The following PFKFB4 variants were observed in gnomAD, a reference collection of about 807,000 sequenced individuals.
The protein encoded by PFKFB4 is 6-phosphofructo-2-kinase/fructose-2,6-biphosphatase 4.
Under a neutral mutation model 62.8 loss-of-function variants are expected in PFKFB4, and 42 were observed. That is an observed-to-expected ratio of 0.67 (90% CI 0.52 to 0.86). The LOEUF is 0.86. PFKFB4 is among the 40% of genes least tolerant of loss of function. PFKFB4 has a pLI of 0.00. For missense variants in PFKFB4, 475 were observed against 627.2 expected (o/e 0.76, Z 2.59); for synonymous variants, 204 against 240.7 (o/e 0.85, Z 1.41).
chr3:48,536,384 T>C lies in PFKFB4; in HGVS notation c.712A>G (p.Ile238Val), dbSNP rs769967046. Residue 238 changes from isoleucine to valine, a missense_variant, in exon 8 of 14, where the codon ATC becomes GTC. By Grantham distance (29) the Ile-to-Val change is conservative. Transcript: ENST00000232375. ...TGGATGTTCATGAGGTAATATACGA[T>C]GCGGCTCTGGATGTGGTCAGCCACA... ...NRVADHIQSR[I>V]VYYLMNIHVT... The C allele has an allele frequency of 2.5e-6, 4 of 1,614,100 alleles. No homozygotes were observed. The highest frequency in any genetic ancestry group is 3.4e-6 in the Non-Finnish European group (4 of 1,180,002).
At chr3:48,520,042 G>A (rs959692234) in intron 13 of PFKFB4, among the ~76,000 whole-genome samples, 1 of 152,146 alleles carries the variant, frequency 6.6e-6, no homozygotes, top group Non-Finnish European at 1.5e-5. Context: ...CTCGTTTCCT[G>A]CTCCACTGCA....
In PFKFB4 at chr3:48,535,610, G is replaced by T. The variant is rs1261972749; in HGVS notation, c.889C>A (p.Leu297Met). 1.2e-6 allele frequency: 2 copies of T among 1,614,072 alleles called. No individual in the cohort carries two copies. Among genetic ancestry groups the T allele is most frequent in the Non-Finnish European group, 1.7e-6 (2 of 1,179,964 alleles). The change falls in exon 9 of 14, where the codon CTG (leucine) becomes ATG (methionine). Residue 297 changes from leucine to methionine, a missense_variant. Coordinates refer to ENST00000232375, the MANE Select transcript of PFKFB4 (RefSeq NM_004567.4). The stretch of plus-strand genomic sequence containing the variant: ...TTCATCTGGCTTGTCCAGACCTTCA[G>T]ATCCTTGATATTTTGGTCACTGATG... ...QFISDQNIKD[L>M]KVWTSQMKRT...
chr3:48,542,199 T>C (rs1374264864), intron 4 of PFKFB4, among the ~76,000 whole-genome samples: 1 of 151,640 alleles, frequency 6.6e-6, no homozygotes, highest in Non-Finnish European at 1.5e-5. Flanking sequence ...CCGGGCACAG[T>C]GGCGGGGGCT....
intron 3 of PFKFB4, among the ~76,000 whole-genome samples, chr3:48,544,441 C>CTTTTTT (rs34817026): frequency 2.0e-5 from 2 of 100,402 alleles, no homozygotes; most frequent in African/African-American, 4.0e-5. Flanking sequence ...GTTTTCAGAT[C>CTTTTTT]TTTTTTTTTT....
Position 48,522,140 on chromosome 3 carries a change from C to T in PFKFB4, c.1286-90G>A, listed in dbSNP as rs115986030. On this transcript the variant is annotated intron_variant, in intron 12 of 13. Transcript: ENST00000232375. The stretch of plus-strand genomic sequence containing the variant: ...AACTTCTCTTGGAGGGGGGTCTGGG[C>T]GTGTGGAATGGAGCAGCCATCTCAG... The T allele has an allele frequency of 1.0e-3, 1,201 of 1,161,990 alleles. 4 individuals carry two copies. The highest frequency in any genetic ancestry group is 0.01 in the African/African-American group (684 of 66,446). 72.0% of individuals were successfully genotyped at this position (1,161,990 alleles called of 1,614,324 possible). A position where few individuals can be genotyped will look rare whatever the true frequency, so the allele number is the denominator to read the frequency against.
chr3:48,540,924 G>C (rs540103240), intron 4 of PFKFB4, among the ~76,000 whole-genome samples: 1 of 151,178 alleles, frequency 6.6e-6, no homozygotes, highest in Non-Finnish European at 1.5e-5. Context: ...ACAGCTACTT[G>C]TGCCACCACG....
rs775886718 is a variant in PFKFB4 at position 48,556,656 on chromosome 3, C to T, written c.97+25G>A. ...CCACCCATCCCGGTGCACCTCCCAC[C>T]TCCTCCCAGAGGACCCCGCCTCACC... On this transcript the variant is annotated intron_variant, in intron 1 of 13. Transcript: ENST00000232375. The surrounding 1 kb of genome is among the most constrained non-coding windows in gnomAD (Gnocchi z 5.7). 1 of 1,609,346 alleles carries T rather than the reference C, an allele frequency of 6.2e-7. No individual in the cohort carries two copies. The highest frequency in any genetic ancestry group is 8.5e-7 in the Non-Finnish European group (1 of 1,177,482).
rs551427901 is a variant in PFKFB4, at chr3:48,521,015, C to T, written c.1350+971G>A. On this transcript the variant is annotated intron_variant, in intron 13 of 13. Coordinates refer to ENST00000232375, the MANE Select transcript of PFKFB4 (RefSeq NM_004567.4). This position sits in a 1 kb window ranked among gnomAD's most constrained non-coding sequence, Gnocchi z 5.3. Reference sequence around the variant, plus strand: ...GGGCCTGGGCTGAACTTGGCCAAGACATGCACGAACTATCAGAGCAATGGG... The same window carrying T: ...GGGCCTGGGCTGAACTTGGCCAAGATATGCACGAACTATCAGAGCAATGGG... Among the ~76,000 whole-genome samples, 7 of 152,336 alleles carry T rather than the reference C, an allele frequency of 4.6e-5. No individual in the cohort carries two copies. Among genetic ancestry groups the T allele is most frequent in the African/African-American group, 1.7e-4 (7 of 41,588 alleles).
chr3:48,530,358 TACA>T (rs556525998), intron 9 of PFKFB4, among the ~76,000 whole-genome samples: 254 of 152,332 alleles, frequency 1.7e-3, no homozygotes, highest in Non-Finnish European at 3.2e-3. Context: ...ATGGCAATAA[TACA>T]ACATCATCTT....
At chr3:48,557,478 T>C (rs2043359776), upstream of PFKFB4, among the ~76,000 whole-genome samples, 1 of 152,148 alleles carries the variant, frequency 6.6e-6, no homozygotes, top group African/African-American at 2.4e-5. Flanking sequence ...GGATAGAGAC[T>C]CAAAACACAT....
chr3:48,534,514 A>G (rs1013468931), intron 9 of PFKFB4, among the ~76,000 whole-genome samples: 6 of 152,142 alleles, frequency 3.9e-5, no homozygotes, highest in African/African-American at 9.7e-5. Context: ...TACAAAAATT[A>G]GAAAAGATTA....
chr3:48,526,291 G>A (rs975138092), intron 9 of PFKFB4, among the ~76,000 whole-genome samples: 7 of 151,858 alleles, frequency 4.6e-5, no homozygotes, highest in Admixed American at 1.3e-4. Context: ...TTGGCTGGGC[G>A]TGGTGGCTCA....
Position 48,536,306 on chromosome 3 carries a change from G to C in PFKFB4, c.790C>G (p.Leu264Val), listed in dbSNP as rs1476199296. 1 of 1,614,204 alleles carries C rather than the reference G, an allele frequency of 6.2e-7. No individual in the cohort carries two copies. Among genetic ancestry groups the C allele is most frequent in the African/African-American group, 1.3e-5 (1 of 75,064 alleles). Residue 264 changes from leucine to valine, a missense_variant, in exon 8 of 14, where the codon CTC becomes GTC. Transcript: ENST00000232375. ...LCRHGESELN[L>V]KGRIGGDPGL... Reference sequence around the variant, plus strand: ...GGGTCCCCGCCAATCCGGCCCTTGAGGTTGAGCTCGCTCTCCCCGTGCCGG... The same window carrying C: ...GGGTCCCCGCCAATCCGGCCCTTGACGTTGAGCTCGCTCTCCCCGTGCCGG...
chr3:48,523,493 A>T, intron 12 of PFKFB4, 44 bp downstream of exon 12: 1 of 1,567,922 alleles, frequency 6.4e-7, no homozygotes, highest in Non-Finnish European at 8.8e-7. Flanking sequence ...GCAGAGATCC[A>T]AGGTCATGGC....
Position 48,550,283 on chromosome 3 carries a change from C to A in PFKFB4, c.98-49G>T, listed in dbSNP as rs769558405. On this transcript the variant is annotated intron_variant, in intron 1 of 13. Coordinates refer to ENST00000232375, the MANE Select transcript of PFKFB4 (RefSeq NM_004567.4). Reference sequence around the variant, plus strand: ...CAGATGAGGGCTGGGACCCTCCCAGCGCACCCCTCCCTCTCAGCCTGTGGT... The same window carrying A: ...CAGATGAGGGCTGGGACCCTCCCAGAGCACCCCTCCCTCTCAGCCTGTGGT... 5 of 1,196,382 alleles carry A rather than the reference C, an allele frequency of 4.2e-6. No homozygotes were observed. In the African/African-American group the frequency reaches 6.0e-5, roughly 14 times the overall value. The allele number at this position is 1,196,382 out of a possible 1,614,324, so 74.1% of individuals were successfully genotyped here. A position where few individuals can be genotyped will look rare whatever the true frequency, so the allele number is the denominator to read the frequency against.
At chr3:48,553,033 T>A (rs2043202324) in intron 1 of PFKFB4, among the ~76,000 whole-genome samples, 1 of 152,138 alleles carries the variant, frequency 6.6e-6, no homozygotes, top group Non-Finnish European at 1.5e-5. Flanking sequence ...ATTCCAGCCA[T>A]AAGAAATTGC....
At chr3:48,561,106 C>T, upstream of PFKFB4, 1 of 1,284,130 alleles carries the variant, frequency 7.8e-7, no homozygotes, top group Non-Finnish European at 1.0e-6. This position sits in a 1 kb window ranked among gnomAD's most constrained non-coding sequence, Gnocchi z 5.2. Flanking sequence ...CCTAACGAGC[C>T]TCTGTCCATC....
chr3:48,556,312 G>A lies in PFKFB4; in HGVS notation c.97+369C>T, dbSNP rs2043314313. ...TCCAACAACCCGGCCCACACTCCTT[G>A]GCCAGGAGAGAGGGAAGGGCCTGGG... On this transcript the variant is annotated intron_variant, in intron 1 of 13. Coordinates refer to ENST00000232375, the MANE Select transcript of PFKFB4 (RefSeq NM_004567.4). The surrounding 1 kb of genome is among the most constrained non-coding windows in gnomAD (Gnocchi z 5.7). 3.9e-6 allele frequency: 2 copies of A among 510,400 alleles called. No individual in the cohort carries two copies. Among genetic ancestry groups the A allele is most frequent in the Admixed American group, 2.3e-5 (1 of 43,562 alleles). The allele number at this position is 510,400 out of a possible 1,614,324, so 31.6% of individuals were successfully genotyped here.
chr3:48,552,686 C>T (rs991179904), intron 1 of PFKFB4, among the ~76,000 whole-genome samples: 7 of 152,232 alleles, frequency 4.6e-5, no homozygotes, highest in Non-Finnish European at 8.8e-5. Flanking sequence ...ATCTACCCTG[C>T]TCCCGCTGAT....
Sources: allele counts gnomAD v4.1 joint callset (sites outside exome capture counted in the v4.1 genomes callset), GRCh38; gene constraint gnomAD v4.1.1; non-coding constraint Gnocchi (gnomAD v3.1); transcripts MANE v1.5; gene names NCBI Gene and HGNC (gene_info 2026-07-23, HGNC 2026-07-21).